Variants in ACCSL observed in about 807,000 individuals in gnomAD.
The protein encoded by ACCSL is probable inactive 1-aminocyclopropane-1-carboxylate synthase-like protein 2.
Under a neutral mutation model 61.7 loss-of-function variants are expected in ACCSL, and 55 were observed. That is an observed-to-expected ratio of 0.89 (90% confidence interval 0.72 to 1.12). The LOEUF (loss-of-function observed/expected upper bound fraction) is 1.12. ACCSL is among the 50% of genes most tolerant of loss of function. The probability of loss-of-function intolerance (pLI) is 0.00; values close to 1 mark genes in which losing one functional copy is unlikely to be tolerated. For synonymous variants in ACCSL, 258 were observed against 264.3 expected, an observed-to-expected ratio of 0.98 and a Z score of 0.23; for missense variants, 632 against 698.0, an observed-to-expected ratio of 0.91 and a Z score of 1.07.
chr11:43,978,561 C>G, the ACCSL span, among the ~76,000 whole-genome samples: 10 of 152,118 alleles, frequency 6.6e-5, no homozygotes, highest in Admixed American at 6.6e-4. Flanking sequence ...CCCTGGCTTA[C>G]CCACTGTCAA....
chr11:44,053,538 G>A (rs1411180545), intron 8 of ACCSL, 32 bp downstream of exon 8: 3 of 1,578,788 alleles, frequency 1.9e-6, no homozygotes, highest in Non-Finnish European at 2.6e-6. Context: ...ACTAGGTAAT[G>A]TTTCTTGAAA....
At chr11:43,923,388 C>T in the ACCSL span, among the ~76,000 whole-genome samples, 3 of 152,206 alleles carry the variant, frequency 2.0e-5, no homozygotes, top group Non-Finnish European at 4.4e-5. Context: ...TTAATGGTGG[C>T]TTTGGTAAAG....
rs754661549 is a variant in ACCSL at position 44,050,115 on chromosome 11, T to A, written c.558T>A (p.Thr186=). 3.1e-6 allele frequency: 5 copies of A among 1,613,720 alleles called. No homozygotes were observed. The African/African-American group carries it at 6.7e-5, about 22-fold the overall frequency. Residue 186 remains threonine (T), a synonymous_variant, in exon 2 of 14, where the codon ACT becomes ACA. Transcript: ENST00000378832. ...SENKLCMDLM[T]ERLQESDMNC... ...ACAAGCTCTGCATGGATCTGATGAC[T>A]GAAAGAGTAAGGATGTTCTGGGCTG... is the stretch of plus-strand genomic sequence containing the variant.
the ACCSL span, chr11:43,933,228 G>A: frequency 4.4e-6 from 2 of 455,122 alleles, no homozygotes; most frequent in South Asian, 3.1e-5. Flanking sequence ...CAGAATGCGA[G>A]GCTACAAGCC....
the ACCSL span, among the ~76,000 whole-genome samples, chr11:44,036,850 C>G: frequency 1.3e-5 from 2 of 151,830 alleles, no homozygotes; most frequent in Non-Finnish European, 2.9e-5. Context: ...AGGTAGGTTC[C>G]TCTACCTCTC....
chr11:44,013,234 T>C, the ACCSL span, among the ~76,000 whole-genome samples: 2 of 152,260 alleles, frequency 1.3e-5, no homozygotes, highest in Non-Finnish European at 2.9e-5. Flanking sequence ...TCTGCTTATC[T>C]ATGCATAGGA....
chr11:43,922,247 G>A, the ACCSL span: 2 of 152,260 alleles, frequency 1.3e-5, no homozygotes, highest in African/African-American at 4.8e-5. Context: ...CCATTGTAGA[G>A]GCTAGGAAAC....
At chr11:43,956,424 CA>C in the ACCSL span, among the ~76,000 whole-genome samples, 1 of 128,460 alleles carries the variant, frequency 7.8e-6, no homozygotes, top group East Asian at 2.2e-4. Flanking sequence ...CTCACTGCTA[CA>C]ATTTTTTTTT....
At chr11:43,943,290 GGGGGACGCGCGCGTCCGCGGTCCGCGC>G in the ACCSL span, 4 of 1,473,128 alleles carry the variant, frequency 2.7e-6, no homozygotes, top group African/African-American at 4.5e-5. The surrounding 1 kb of genome is among the most constrained non-coding windows in gnomAD (Gnocchi z 4.8). Flanking sequence ...CCGCCCGCGG[GGGGGACGCGCGCGTCCGCGGTCCGCGC>G]GGGGACCGGC....
chr11:43,985,242 G>A, the ACCSL span, among the ~76,000 whole-genome samples: 1 of 152,210 alleles, frequency 6.6e-6, no homozygotes, highest in African/African-American at 2.4e-5. Context: ...ATAATGGAAG[G>A]CAAAGTGTTT....
At chr11:44,019,520 G>A in the ACCSL span, among the ~76,000 whole-genome samples, 1 of 152,030 alleles carries the variant, frequency 6.6e-6, no homozygotes, top group Admixed American at 6.6e-5. Context: ...CATTTTTCAT[G>A]GGCTTGTTGG....
chr11:43,965,417 C>T, the ACCSL span, among the ~76,000 whole-genome samples: 16 of 151,868 alleles, frequency 1.1e-4, no homozygotes, highest in East Asian at 1.9e-4. Flanking sequence ...ACTTGTACAC[C>T]GAAAACTACA....
chr11:43,959,237 G>A, the ACCSL span, among the ~76,000 whole-genome samples: 1 of 152,186 alleles, frequency 6.6e-6, no homozygotes, highest in Non-Finnish European at 1.5e-5. Context: ...TAGGCCTGCA[G>A]ACTGTGAGCA....
the ACCSL span, among the ~76,000 whole-genome samples, chr11:44,023,041 CT>C: frequency 0.2 from 17,155 of 86,212 alleles, 1,067 homozygotes; most frequent in East Asian, 0.33. Context: ...TCTTCTTCTT[CT>C]TTTTTTTTTT....
chr11:44,006,378 A>G, the ACCSL span, among the ~76,000 whole-genome samples: 3 of 151,798 alleles, frequency 2.0e-5, no homozygotes, highest in Admixed American at 6.6e-5. Flanking sequence ...AGCTCATTTG[A>G]GTGGCTGAGA....
the ACCSL span, among the ~76,000 whole-genome samples, chr11:43,921,868 T>C: frequency 1.3e-5 from 2 of 152,212 alleles, no homozygotes; most frequent in African/African-American, 4.8e-5. Flanking sequence ...ACTGCCCTTT[T>C]CTTTACCATT....
At chr11:44,022,626 C>T in the ACCSL span, among the ~76,000 whole-genome samples, 2 of 152,134 alleles carry the variant, frequency 1.3e-5, no homozygotes, top group Non-Finnish European at 2.9e-5. Context: ...TGTCTGATTG[C>T]TCTGGCTTAC....
At chr11:43,974,195 C>T in the ACCSL span, 41,081 of 152,176 alleles carry the variant, frequency 0.27, 6,422 homozygotes, top group Middle Eastern at 0.44. Flanking sequence ...GGGCTGATTT[C>T]TTGTGGTAGC....
At chr11:44,034,973 A>T in the ACCSL span, among the ~76,000 whole-genome samples, 4 of 152,188 alleles carry the variant, frequency 2.6e-5, no homozygotes, top group Non-Finnish European at 5.9e-5. Context: ...GGTTTATGAA[A>T]TCTTGCAGAT....
Sources: allele counts gnomAD v4.1 joint callset (sites outside exome capture counted in the v4.1 genomes callset), GRCh38; gene constraint gnomAD v4.1.1; non-coding constraint Gnocchi (gnomAD v3.1); transcripts MANE v1.5; gene names NCBI Gene and HGNC (gene_info 2026-07-23, HGNC 2026-07-21).